Variants in LRRIQ3 observed in about 807,000 individuals in gnomAD.
The protein encoded by LRRIQ3 is leucine-rich repeat and IQ domain-containing protein 3.
Under a neutral mutation model 59.3 loss-of-function variants are expected in LRRIQ3, and 75 were observed. That is an observed-to-expected ratio of 1.26 (90% CI 1.05 to 1.53). The LOEUF is 1.53. LRRIQ3 is among the 40% of genes most tolerant of loss of function. LRRIQ3 has a pLI of 0.00. For missense variants in LRRIQ3, 831 were observed against 710.0 expected (o/e 1.17, Z -1.94); for synonymous variants, 250 against 231.3 (o/e 1.08, Z -0.73).
At position 74,026,565 on chromosome 1, in the gene LRRIQ3, T is replaced by G. The variant is rs1342619871; in HGVS notation, c.*248A>C. The stretch of plus-strand genomic sequence containing the variant: ...CATTGCAACATTGTCTGCAATACAT[T>G]AAATCAGTTTAATTGTTCCTTAGGC... On this transcript the variant is annotated 3_prime_UTR_variant, in exon 8 of 8. Transcript: ENST00000354431. 2 of 317,012 alleles carry G rather than the reference T, an allele frequency of 6.3e-6. No individual in the cohort carries two copies. Among genetic ancestry groups the G allele is most frequent in the Non-Finnish European group, 1.1e-5 (2 of 174,044 alleles). The allele number at this position is 317,012 out of a possible 1,614,324, so 19.6% of individuals were successfully genotyped here. A position where few individuals can be genotyped will look rare whatever the true frequency, so the allele number is the denominator to read the frequency against.
chr1:74,028,599 T>C (rs536329075), intron 7 of LRRIQ3, among the ~76,000 whole-genome samples: 2 of 152,110 alleles, frequency 1.3e-5, no homozygotes, highest in East Asian at 1.9e-4. Context: ...GTGTTGAATA[T>C]AGAGAAGTGA....
intron 6 of LRRIQ3, among the ~76,000 whole-genome samples, chr1:74,055,068 TC>T (rs1427912523): frequency 6.8e-6 from 1 of 148,036 alleles, no homozygotes; most frequent in Admixed American, 6.8e-5. Flanking sequence ...AAGTGTGTAA[TC>T]CAGTGGGTCT....
rs35395271 is a variant in LRRIQ3 at position 74,121,918 on chromosome 1, A to AT, written c.708-12366dup. ...TCCCTACAAAGGACATGAACTCATC[A>AT]TTTTTTATGGCTGCATAGTATTCCA... On this transcript the variant is annotated intron_variant, in intron 4 of 7. Coordinates refer to ENST00000354431, the MANE Select transcript of LRRIQ3 (RefSeq NM_001105659.2). Among the ~76,000 whole-genome samples, 283 of 151,918 alleles carry AT rather than the reference A, an allele frequency of 1.9e-3. 10 individuals carry two copies. The East Asian group carries it at 0.049, about 26-fold the overall frequency.
At chr1:74,147,333 C>T (rs949674713) in intron 4 of LRRIQ3, among the ~76,000 whole-genome samples, 4 of 152,128 alleles carry the variant, frequency 2.6e-5, no homozygotes, top group African/African-American at 9.7e-5. Context: ...TAAAAAAACT[C>T]CATATGAAAT....
intron 3 of LRRIQ3, among the ~76,000 whole-genome samples, chr1:74,178,127 C>G (rs2100714966): frequency 6.6e-6 from 1 of 151,970 alleles, no homozygotes; most frequent in East Asian, 1.9e-4. Flanking sequence ...CTTTGTTCTA[C>G]TTAATATATA....
At chr1:74,062,956 A>G (rs1305663913) in intron 6 of LRRIQ3, among the ~76,000 whole-genome samples, 1 of 152,118 alleles carries the variant, frequency 6.6e-6, no homozygotes, top group Admixed American at 6.6e-5. Context: ...TATGTAGTAA[A>G]CATTCATATG....
chr1:74,045,106 T>C (rs1161585101), intron 6 of LRRIQ3, among the ~76,000 whole-genome samples: 1 of 152,132 alleles, frequency 6.6e-6, no homozygotes, highest in Non-Finnish European at 1.5e-5. Flanking sequence ...CCTTAACTCA[T>C]TTTATGGGGC....
At chr1:74,114,257 A>T (rs1646746386) in intron 4 of LRRIQ3, among the ~76,000 whole-genome samples, 1 of 152,040 alleles carries the variant, frequency 6.6e-6, no homozygotes, top group African/African-American at 2.4e-5. Context: ...AAAAGCTTAC[A>T]GTTTTATAAT....
At chr1:74,135,992 TAGGTA>T (rs1024341933) in intron 4 of LRRIQ3, among the ~76,000 whole-genome samples, 9 of 151,774 alleles carry the variant, frequency 5.9e-5, no homozygotes, top group Non-Finnish European at 1.2e-4. Context: ...GGCAAACCTC[TAGGTA>T]AGCTAAGTAA....
intron 5 of LRRIQ3, among the ~76,000 whole-genome samples, chr1:74,084,708 A>G (rs1167113198): frequency 2.6e-5 from 4 of 151,734 alleles, no homozygotes; most frequent in African/African-American, 7.2e-5. Context: ...ATTGTCATAT[A>G]TACCAAGTAT....
intron 5 of LRRIQ3, among the ~76,000 whole-genome samples, chr1:74,092,644 GA>G (rs752490011): frequency 2.0e-4 from 30 of 150,862 alleles, no homozygotes; most frequent in East Asian, 1.8e-3. Context: ...TCTTTTGAGA[GA>G]AAAAAAAATC....
chr1:74,135,199 A>C (rs562618324), intron 4 of LRRIQ3, among the ~76,000 whole-genome samples: 21 of 151,962 alleles, frequency 1.4e-4, no homozygotes, highest in Admixed American at 7.9e-4. Context: ...CATCAGGTAC[A>C]CACAACAATT....
chr1:74,073,035 G>C (rs1655070682), intron 6 of LRRIQ3, among the ~76,000 whole-genome samples: 1 of 151,960 alleles, frequency 6.6e-6, no homozygotes, highest in Admixed American at 6.6e-5. Flanking sequence ...AGCATAAAAA[G>C]TGTAAAGTTT....
chr1:74,191,363 G>A (rs895020895), intron 1 of LRRIQ3, among the ~76,000 whole-genome samples: 6 of 151,956 alleles, frequency 3.9e-5, no homozygotes, highest in African/African-American at 1.5e-4. Flanking sequence ...AAGAGTGTTG[G>A]GAAAGGAACA....
intron 4 of LRRIQ3, among the ~76,000 whole-genome samples, chr1:74,122,898 C>T (rs1646880267): frequency 6.6e-6 from 1 of 152,096 alleles, no homozygotes; most frequent in Non-Finnish European, 1.5e-5. Context: ...ATGCAACCTA[C>T]AGAATGGGAG....
At chr1:74,131,361 C>G (rs1447720289) in intron 4 of LRRIQ3, among the ~76,000 whole-genome samples, 1 of 152,144 alleles carries the variant, frequency 6.6e-6, no homozygotes, top group Non-Finnish European at 1.5e-5. Context: ...GGGAATCCTC[C>G]CTAACTCATC....
chr1:74,106,743 A>G (rs891801782), intron 5 of LRRIQ3, among the ~76,000 whole-genome samples: 3 of 152,002 alleles, frequency 2.0e-5, no homozygotes, highest in African/African-American at 7.2e-5. Context: ...AAATATCCTT[A>G]GGCATCCTAG....
intron 4 of LRRIQ3, among the ~76,000 whole-genome samples, chr1:74,121,951 T>C (rs1162608252): frequency 6.6e-6 from 1 of 152,078 alleles, no homozygotes; most frequent in Non-Finnish European, 1.5e-5. Flanking sequence ...CCATGGTGTA[T>C]ATGTGTCACG....
At chr1:74,163,931 A>G (rs747209764) in intron 3 of LRRIQ3, among the ~76,000 whole-genome samples, 1 of 151,144 alleles carries the variant, frequency 6.6e-6, no homozygotes, top group Non-Finnish European at 1.5e-5. Context: ...AATTTTAGCC[A>G]TTCTGAATAG....
Sources: allele counts gnomAD v4.1 joint callset (sites outside exome capture counted in the v4.1 genomes callset), GRCh38; gene constraint gnomAD v4.1.1; transcripts MANE v1.5; gene names NCBI Gene and HGNC (gene_info 2026-07-23, HGNC 2026-07-21).